Variants in MOGAT3 observed in about 807,000 individuals in gnomAD.
The protein encoded by MOGAT3 is monoacylglycerol O-acyltransferase 3, also known as 2-acylglycerol O-acyltransferase 3.
MOGAT3 carries 39 observed loss-of-function variants against 34.4 expected under a neutral mutation model. That is an observed-to-expected ratio of 1.13 (90% CI 0.88 to 1.48). The LOEUF (loss-of-function observed/expected upper bound fraction) is 1.48. Among genes scored for constraint, MOGAT3 ranks in the 40% most tolerant of loss-of-function variants. The pLI is 0.00. For missense variants in MOGAT3, 439 were observed against 438.9 expected, an observed-to-expected ratio of 1.00 and a Z score of 0.00; for synonymous variants, 209 against 179.2, an observed-to-expected ratio of 1.17 and a Z score of -1.33.
Position 101,198,243 on chromosome 7 carries a change from A to T in MOGAT3, c.616T>A (p.Cys206Ser), listed in dbSNP as rs1157292735. 2 of 1,613,534 alleles carry T rather than the reference A, an allele frequency of 1.2e-6. No individual in the cohort carries two copies. Among genetic ancestry groups the T allele is most frequent in the South Asian group, 2.2e-5 (2 of 91,056 alleles). ...EALYSVPGEH[C>S]LTLQKRKGFV... is the part of the protein sequence containing the mutation. ...CCTTTGCGCTTCTGGAGCGTAAGGC[A>T]GTGCTCCCCGGGGACTGAATACAGG... The change falls in exon 5 of 7, where the codon TGC becomes AGC. Residue 206 changes from cysteine (C) to serine (S), a missense_variant. Coordinates refer to ENST00000223114, the MANE Select transcript of MOGAT3 (RefSeq NM_178176.4).
chr7:101,198,538 A>C, intron 4 of MOGAT3, 88 bp downstream of exon 4: 3 of 1,349,090 alleles, frequency 2.2e-6, no homozygotes, highest in African/African-American at 1.9e-5. Flanking sequence ...TGGGTGGGGG[A>C]CTTATTATGG....
In MOGAT3 at chr7:101,195,272, T is replaced by C. The variant is rs1797748374; in HGVS notation, c.*674A>G. 1.3e-5 allele frequency: 2 copies of C among 152,442 alleles called. No individual in the cohort carries two copies. The highest frequency in any genetic ancestry group is 6.6e-5 in the Admixed American group (1 of 15,246). The allele number at this position is 152,442 out of a possible 1,614,324, so 9.4% of individuals were successfully genotyped here. A position where few individuals can be genotyped will look rare whatever the true frequency, so the allele number is the denominator to read the frequency against. On this transcript the variant is annotated 3_prime_UTR_variant, in exon 7 of 7. Transcript: ENST00000223114. ...CTCTGTTGCCCAGACTGGAGTGCAG[T>C]GGTGTGATCTCGGCTCACTGCAACC...
In MOGAT3 at chr7:101,196,243, A is replaced by G; in HGVS notation, c.815T>C (p.Leu272Pro). The G allele has an allele frequency of 1.2e-6, 2 of 1,600,216 alleles. No individual in the cohort carries two copies. Among genetic ancestry groups the G allele is most frequent in the Non-Finnish European group, 1.7e-6 (2 of 1,173,276 alleles). Residue 272 changes from leucine (L) to proline (P), a missense_variant, in exon 6 of 7, where the codon CTC becomes CCC. Coordinates refer to ENST00000223114, the MANE Select transcript of MOGAT3 (RefSeq NM_178176.4). Reference protein sequence around the residue: ...FSPCIFWGRGLFSATSWGLLP... With the variant: ...FSPCIFWGRGPFSATSWGLLP... ...CAGGCCCCAGGAGGTGGCTGAGAAG[A>G]GACCGCGACCCCAGAAGATGCAAGG...
In MOGAT3 at chr7:101,198,438, G is replaced by C; in HGVS notation, c.494-73C>G. On this transcript the variant is annotated intron_variant, in intron 4 of 6. Transcript: ENST00000223114. ...ACCCCCGCCCCTCACCCAGCCTTTA[G>C]TTCCAAGCCCCCTACCCCCATCTCC... 11 of 1,448,336 alleles carry C rather than the reference G, an allele frequency of 7.6e-6. No homozygotes were observed. The South Asian group carries it at 1.6e-4, about 20-fold the overall frequency. The allele number at this position is 1,448,336 out of a possible 1,614,324, so 89.7% of individuals were successfully genotyped here.
Position 101,200,291 on chromosome 7 carries a change from C to A in MOGAT3, c.231G>T (p.Ser77=). The A allele has an allele frequency of 6.2e-7, 1 of 1,614,028 alleles. No homozygotes were observed. ...WDTPNQGGRR[S]EWIRNRAIWR... is the part of the protein sequence containing the mutation. ...AAATTGCCCGGTTCCTTATCCACTC[C>A]GAACGCCTTCCACCTGCGGACAATG... The change falls in exon 3 of 7, where the codon TCG becomes TCT. Residue 77 remains serine, a synonymous_variant. Transcript: ENST00000223114.
At chr7:101,200,156 G>A in intron 3 of MOGAT3, 78 bp downstream of exon 3, 1 of 1,262,136 alleles carries the variant, frequency 7.9e-7, no homozygotes, top group Non-Finnish European at 1.2e-6. Flanking sequence ...TCAGGCCCCA[G>A]CACAAGGAAG....
rs146581959 is a variant in MOGAT3 at position 101,198,252 on chromosome 7, C to A, written c.607G>T (p.Gly203Trp). The change falls in exon 5 of 7, where the codon GGG becomes TGG. Residue 203 changes from glycine to tryptophan, a missense_variant. Transcript: ENST00000223114. ...TTCTGGAGCGTAAGGCAGTGCTCCC[C>A]GGGGACTGAATACAGGGCCTCGTGC... ...GAHEALYSVP[G>W]EHCLTLQKRK... is the part of the protein sequence containing the mutation. 3.7e-6 allele frequency: 6 copies of A among 1,613,456 alleles called. No individual in the cohort carries two copies. The highest frequency in any genetic ancestry group is 4.5e-5 in the East Asian group (2 of 44,858).
At chr7:101,193,050 C>T (rs2116755242), downstream of MOGAT3, among the ~76,000 whole-genome samples, 1 of 152,254 alleles carries the variant, frequency 6.6e-6, no homozygotes, top group East Asian at 1.9e-4. Context: ...TGCACTCCAG[C>T]CTGGGCGACA....
chr7:101,200,965 C>A lies in MOGAT3; in HGVS notation c.-111G>T. 1.2e-6 allele frequency: 1 copy of A among 814,276 alleles called. No individual in the cohort carries two copies. The highest frequency in any genetic ancestry group is 1.8e-5 in the South Asian group (1 of 55,954). The allele number at this position is 814,276 out of a possible 1,614,324, so 50.4% of individuals were successfully genotyped here. On this transcript the variant is annotated 5_prime_UTR_variant, in exon 1 of 7. Coordinates refer to ENST00000223114, the MANE Select transcript of MOGAT3 (RefSeq NM_178176.4). ...CCCTACAGGAGCCCAGCTTTGGGGG[C>A]CTGGCTAAGTCGCAAATCACCTCCC...
Position 101,200,790 on chromosome 7 carries a change from T to A in MOGAT3, c.65A>T (p.Glu22Val), listed in dbSNP as rs772416358. The A allele has an allele frequency of 5.6e-6, 9 of 1,614,110 alleles. No homozygotes were observed. The Admixed American group carries it at 1.3e-4, about 24-fold the overall frequency. ...TSKTLQKQHL[E>V]AVGAYQYVLT... ...CACATATTGGTAGGCGCCCACTGCT[T>A]CTAGATGCTGCTTCTGCAAGGTTTT... is the stretch of plus-strand genomic sequence containing the variant. The change falls in exon 1 of 7, where the codon GAA (glutamate) becomes GTA (valine). Residue 22 changes from glutamate to valine, a missense_variant. By Grantham distance (121) the Glu-to-Val change is moderately radical. Transcript: ENST00000223114.
Position 101,198,325 on chromosome 7 carries a change from C to A in MOGAT3, c.534G>T (p.Leu178=). Residue 178 remains leucine, a synonymous_variant, in exon 5 of 7, where the codon CTG becomes CTT. Coordinates refer to ENST00000223114, the MANE Select transcript of MOGAT3 (RefSeq NM_178176.4). ...PVSRQSLDFI[L]SQPQLGQAVV... The stretch of plus-strand genomic sequence containing the variant: ...CGGCCTGCCCGAGCTGGGGCTGGGA[C>A]AGGATGAAGTCCAGGCTCTGGCGGC... 1 of 1,584,978 alleles carries A rather than the reference C, an allele frequency of 6.3e-7. No individual in the cohort carries two copies. The highest frequency in any genetic ancestry group is 8.6e-7 in the Non-Finnish European group (1 of 1,163,494).
Position 101,198,788 on chromosome 7 carries a change from G to A in MOGAT3, c.331C>T (p.Leu111=). Residue 111 remains leucine (L), a synonymous_variant, in exon 4 of 7, where the codon CTG becomes TTG. Coordinates refer to ENST00000223114, the MANE Select transcript of MOGAT3 (RefSeq NM_178176.4). ...ATGATCCCATGAGGGTGGGCGCCCAGCACGTAGTTCCGATCCGGGGGCAGC... is the reference window on the plus strand; with the variant it reads ...ATGATCCCATGAGGGTGGGCGCCCAACACGTAGTTCCGATCCGGGGGCAGC... ...AELPPDRNYV[L]GAHPHGIMCT... is the part of the protein sequence containing the mutation. 2.5e-6 allele frequency: 4 copies of A among 1,614,082 alleles called. No homozygotes were observed. The highest frequency in any genetic ancestry group is 2.5e-6 in the Non-Finnish European group (3 of 1,180,012).
At chr7:101,197,338 A>G (rs1322436664) in intron 5 of MOGAT3, among the ~76,000 whole-genome samples, 1 of 151,808 alleles carries the variant, frequency 6.6e-6, no homozygotes, top group Non-Finnish European at 1.5e-5. Flanking sequence ...GTGCACTACC[A>G]CACTTGGCTA....
chr7:101,198,087 C>T (rs899655107), intron 5 of MOGAT3, 104 bp downstream of exon 5: 37 of 1,356,374 alleles, frequency 2.7e-5, no homozygotes, highest in Non-Finnish European at 3.4e-5. Flanking sequence ...GGGCGCTGGT[C>T]TCTGGGCACC....
chr7:101,200,623 C>T, intron 1 of MOGAT3, 108 bp from the exon 2 acceptor site: 1 of 1,266,340 alleles, frequency 7.9e-7, no homozygotes, highest in Non-Finnish European at 1.1e-6. Context: ...TCTCCTCTGG[C>T]CCTCTCCCAG....
chr7:101,195,848 G>T lies in MOGAT3; in HGVS notation c.*98C>A. ...GATTACAGGCATGAGGCACTGCGCT[G>T]GGCCCAGAACTACCTTTTATTGGAG... On this transcript the variant is annotated 3_prime_UTR_variant, in exon 7 of 7. Transcript: ENST00000223114. 1.5e-6 allele frequency: 2 copies of T among 1,366,006 alleles called. No individual in the cohort carries two copies. Among genetic ancestry groups the T allele is most frequent in the Non-Finnish European group, 2.0e-6 (2 of 975,934 alleles). The allele number at this position is 1,366,006 out of a possible 1,614,324, so 84.6% of individuals were successfully genotyped here. A position where few individuals can be genotyped will look rare whatever the true frequency, so the allele number is the denominator to read the frequency against.
rs543722090 is a variant in MOGAT3 at position 101,201,027 on chromosome 7, A to G, written c.-173T>C. Reference sequence around the variant, plus strand: ...TGTCCGTAGGTGTGTGAGTGGGGAGATCTTTGGATCCAGAGCCCCAGATGT... The same window carrying G: ...TGTCCGTAGGTGTGTGAGTGGGGAGGTCTTTGGATCCAGAGCCCCAGATGT... On this transcript the variant is annotated 5_prime_UTR_variant, in exon 1 of 7. Transcript: ENST00000223114. 1 of 548,290 alleles carries G rather than the reference A, an allele frequency of 1.8e-6. No individual in the cohort carries two copies. Among genetic ancestry groups the G allele is most frequent in the Non-Finnish European group, 3.3e-6 (1 of 306,378 alleles). The allele number at this position is 548,290 out of a possible 1,614,324, so 34.0% of individuals were successfully genotyped here.
At position 101,195,608 on chromosome 7, in the gene MOGAT3, C is replaced by A; in HGVS notation, c.*338G>T. On this transcript the variant is annotated 3_prime_UTR_variant, in exon 7 of 7. Transcript: ENST00000223114. The stretch of plus-strand genomic sequence containing the variant: ...CCAGGCTGGAGTACTGTGGTGTGAT[C>A]TCAGCTCACTGCAACCTCCGCCTCC... 1 of 249,574 alleles carries A rather than the reference C, an allele frequency of 4.0e-6. No homozygotes were observed. The highest frequency in any genetic ancestry group is 7.3e-6 in the Non-Finnish European group (1 of 136,550). The allele number at this position is 249,574 out of a possible 1,614,324, so 15.5% of individuals were successfully genotyped here.
At chr7:101,199,115 C>T (rs1227863722) in intron 3 of MOGAT3, among the ~76,000 whole-genome samples, 1 of 151,378 alleles carries the variant, frequency 6.6e-6, no homozygotes, top group Non-Finnish European at 1.5e-5. Flanking sequence ...TCAAGCTATC[C>T]TCCTGCCTCA....
Sources: gnomAD v4.1 joint callset for allele counts (sites outside exome capture counted in the v4.1 genomes callset) on GRCh38, gnomAD v4.1.1 for gene constraint, MANE v1.5 for transcripts, NCBI Gene and HGNC (gene_info 2026-07-23, HGNC 2026-07-21) for gene names.